The following DNAI3 variants were observed in gnomAD, a reference collection of about 807,000 sequenced individuals.
DNAI3 encodes the protein WD repeat domain 63.
Under a neutral mutation model 115.5 loss-of-function variants are expected in DNAI3, and 83 were observed. The observed-to-expected ratio is 0.72, with a 90% CI of 0.60 to 0.86. DNAI3 has a LOEUF of 0.86. Among genes scored for constraint, DNAI3 ranks in the 40% least tolerant of loss-of-function variants. DNAI3 has a pLI of 0.00. For synonymous variants in DNAI3, 320 were observed against 347.0 expected (o/e 0.92, Z 0.86); for missense variants, 1,004 against 1,075.8 (o/e 0.93, Z 0.93).
intron 3 of DNAI3, among the ~76,000 whole-genome samples, chr1:85,079,823 C>T (rs1430835768): frequency 6.6e-6 from 1 of 152,054 alleles, no homozygotes; most frequent in African/African-American, 2.4e-5. Context: ...AACCTCTCCT[C>T]TCTCCTGAGA....
At chr1:85,089,240 C>T (rs1654889901) in intron 7 of DNAI3, among the ~76,000 whole-genome samples, 1 of 151,520 alleles carries the variant, frequency 6.6e-6, no homozygotes, top group Non-Finnish European at 1.5e-5. Context: ...AGAACACAGG[C>T]ACAGAAGGTT....
At chr1:85,084,933 A>G (rs751590744) in intron 6 of DNAI3, among the ~76,000 whole-genome samples, 1 of 152,244 alleles carries the variant, frequency 6.6e-6, no homozygotes, top group Non-Finnish European at 1.5e-5. Flanking sequence ...ATGTGATTCT[A>G]TCTGAAAATA....
chr1:85,081,734 G>A (rs1426321990), intron 4 of DNAI3, among the ~76,000 whole-genome samples: 3 of 152,036 alleles, frequency 2.0e-5, no homozygotes, highest in Non-Finnish European at 2.9e-5. Flanking sequence ...TGCAACCTCC[G>A]CCTCCCAGGT....
intron 22 of DNAI3, among the ~76,000 whole-genome samples, chr1:85,132,230 G>GT (rs1656347922): frequency 6.6e-6 from 1 of 152,226 alleles, no homozygotes; most frequent in Admixed American, 6.5e-5. Flanking sequence ...GCCAATAACT[G>GT]GCACATAGAA....
chr1:85,115,275 A>G (rs1655782678), intron 16 of DNAI3, among the ~76,000 whole-genome samples: 1 of 152,350 alleles, frequency 6.6e-6, no homozygotes, highest in African/African-American at 2.4e-5. Context: ...AGCTCTCAGA[A>G]TAGCACATAG....
intron 3 of DNAI3, among the ~76,000 whole-genome samples, chr1:85,078,906 A>AT (rs1446176146): frequency 6.6e-6 from 1 of 152,218 alleles, no homozygotes; most frequent in African/African-American, 2.4e-5. Context: ...TGAAAGGATC[A>AT]TTTTTTGTGT....
At chr1:85,093,021 A>T (rs1258568389) in intron 8 of DNAI3, among the ~76,000 whole-genome samples, 1 of 152,218 alleles carries the variant, frequency 6.6e-6, no homozygotes, top group South Asian at 2.1e-4. Flanking sequence ...GCAGACGTTT[A>T]CTGAGGATTA....
At chr1:85,092,147 C>T (rs1320725753) in intron 8 of DNAI3, among the ~76,000 whole-genome samples, 1 of 152,116 alleles carries the variant, frequency 6.6e-6, no homozygotes, top group Non-Finnish European at 1.5e-5. Flanking sequence ...GTGGAGCCTG[C>T]GACTCTGCAT....
At chr1:85,068,668 C>G (rs1434117642) in intron 1 of DNAI3, among the ~76,000 whole-genome samples, 3 of 152,132 alleles carry the variant, frequency 2.0e-5, no homozygotes, top group Non-Finnish European at 4.4e-5. Flanking sequence ...AGCCAAGGTC[C>G]TAATACACGA....
intron 17 of DNAI3, among the ~76,000 whole-genome samples, chr1:85,118,146 A>G (rs1181274678): frequency 2.0e-5 from 3 of 152,252 alleles, no homozygotes; most frequent in African/African-American, 7.2e-5. Context: ...ATTTGGAAGA[A>G]ACCATACTAA....
At chr1:85,104,483 G>A (rs1571185096) in intron 13 of DNAI3, 41 bp from the exon 14 acceptor site, 5 of 1,537,504 alleles carry the variant, frequency 3.3e-6, no homozygotes, top group South Asian at 1.1e-5. Context: ...AAATAGCTAT[G>A]AGAAAAACAA....
chr1:85,119,328 A>G (rs1655921464), intron 17 of DNAI3, among the ~76,000 whole-genome samples: 1 of 151,968 alleles, frequency 6.6e-6, no homozygotes, highest in Non-Finnish European at 1.5e-5. Context: ...ACTAAACACT[A>G]ACTCCCTCTT....
rs1654931719 is a variant in DNAI3 at position 85,090,240 on chromosome 1, A to G, written c.857+8A>G. 1 of 1,472,936 alleles carries G rather than the reference A, an allele frequency of 6.8e-7. No homozygotes were observed. The highest frequency in any genetic ancestry group is 9.2e-7 in the Non-Finnish European group (1 of 1,085,302). The allele number at this position is 1,472,936 out of a possible 1,614,324, so 91.2% of individuals were successfully genotyped here. ...TAACAATGCATCCATAAGGTAAAAA[A>G]TTGCATATTAAATTTTAAAAATAAA... On this transcript the variant is annotated splice_region_variant and intron_variant, in intron 8 of 22. Coordinates refer to ENST00000294664, the MANE Select transcript of DNAI3 (RefSeq NM_145172.5).
intron 20 of DNAI3, among the ~76,000 whole-genome samples, chr1:85,127,459 G>A (rs542347055): frequency 1.9e-4 from 29 of 152,166 alleles, no homozygotes; most frequent in African/African-American, 6.7e-4. Flanking sequence ...CCAGGCTGAA[G>A]TGCAGTGGTG....
At chr1:85,110,454 T>TAAATAAATAAATAAA (rs1655624257) in intron 16 of DNAI3, among the ~76,000 whole-genome samples, 1 of 149,058 alleles carries the variant, frequency 6.7e-6, no homozygotes, top group Non-Finnish European at 1.5e-5. Flanking sequence ...CCATCTCAAA[T>TAAATAAATAAATAAA]AAATAAATAA....
intron 9 of DNAI3, 140 bp from the exon 10 acceptor site, chr1:85,094,291 C>T: frequency 8.6e-7 from 1 of 1,159,264 alleles, no homozygotes; most frequent in East Asian, 2.4e-5. Context: ...ACCACATTAG[C>T]CAGCAGAGCT....
In DNAI3 at chr1:85,090,203, G is replaced by T. The variant is rs1360073328; in HGVS notation, c.828G>T (p.Leu276Phe). 1.3e-6 allele frequency: 2 copies of T among 1,575,426 alleles called. No homozygotes were observed. Among genetic ancestry groups the T allele is most frequent in the Non-Finnish European group, 1.7e-6 (2 of 1,164,420 alleles). The change falls in exon 8 of 23, where the codon TTG becomes TTT. Residue 276 changes from leucine to phenylalanine, a missense_variant. Around this residue, in one of 3 missense-constraint regions of DNAI3, gnomAD observed 550 missense variants for 568.1 expected, o/e 0.97. Transcript: ENST00000294664. ...EKETLKQSKP[L>F]VDFLNNASIS... ...AGACACTCAAACAATCAAAGCCTTT[G>T]GTTGATTTTCTTAACAATGCATCCA... is the stretch of plus-strand genomic sequence containing the variant.
intron 4 of DNAI3, 38 bp from the exon 5 acceptor site, chr1:85,082,262 T>C (rs7534574): frequency 0.53 from 792,826 of 1,507,558 alleles, 210,801 homozygotes; most frequent in Middle Eastern, 0.54. Flanking sequence ...TGAATGACCA[T>C]TGAACATTAA....
chr1:85,130,255 C>G (rs1186949672), intron 22 of DNAI3, 143 bp downstream of exon 22: 2 of 1,192,088 alleles, frequency 1.7e-6, no homozygotes, highest in African/African-American at 3.1e-5. Context: ...GAGGGCATTC[C>G]TTTGATTTCC....
Sources: allele counts gnomAD v4.1 joint callset (sites outside exome capture counted in the v4.1 genomes callset), GRCh38; gene constraint gnomAD v4.1.1; regional missense constraint gnomAD v4.1.1; transcripts MANE v1.5; gene names NCBI Gene and HGNC (gene_info 2026-07-23, HGNC 2026-07-21).